ACYP2: variants seen among roughly 807,000 people sequenced by gnomAD.
ACYP2 encodes acylphosphatase-2.
In ACYP2, 12 loss-of-function variants were observed where a neutral mutation model predicts 11.2. That is an observed-to-expected ratio of 1.08 (90% CI 0.69 to 1.74). The LOEUF (loss-of-function observed/expected upper bound fraction) is 1.74. ACYP2 is among the 40% of genes most tolerant of loss of function. ACYP2 has a pLI of 0.00. For synonymous variants in ACYP2, 43 were observed against 32.2 expected (o/e 1.33, Z -1.13); for missense variants, 134 against 101.9 (o/e 1.31, Z -1.35).
chr2:54,096,581 G>A (rs1430790478), intron 4 of ACYP2, among the ~76,000 whole-genome samples: 2 of 152,160 alleles, frequency 1.3e-5, no homozygotes, highest in African/African-American at 4.8e-5. Flanking sequence ...CTGCAATCCC[G>A]GCACCTCGGG....
At chr2:54,029,058 A>C (rs1288452921) in intron 2 of ACYP2, among the ~76,000 whole-genome samples, 1 of 152,166 alleles carries the variant, frequency 6.6e-6, no homozygotes, top group Non-Finnish European at 1.5e-5. Flanking sequence ...CCAGCTACTC[A>C]GGAGGCCGAG....
intron 6 of ACYP2, chr2:54,255,103 A>C (rs2104020759): frequency 6.2e-7 from 1 of 1,614,120 alleles, no homozygotes. Context: ...CCAGGTGAAG[A>C]AGCTGCAGAT....
intron 4 of ACYP2, among the ~76,000 whole-genome samples, chr2:54,104,280 A>G (rs1485496164): frequency 1.3e-5 from 2 of 152,194 alleles, no homozygotes; most frequent in Non-Finnish European, 2.9e-5. Context: ...ATGAGAAAAG[A>G]AAGTATTCTT....
chr2:54,122,960 C>T (rs754576528), intron 4 of ACYP2, among the ~76,000 whole-genome samples: 1 of 152,134 alleles, frequency 6.6e-6, no homozygotes, highest in Non-Finnish European at 1.5e-5. Context: ...TTATAATGAC[C>T]TGTACTACAG....
At chr2:54,071,602 A>T (rs567659566) in intron 4 of ACYP2, among the ~76,000 whole-genome samples, 4 of 152,040 alleles carry the variant, frequency 2.6e-5, no homozygotes, top group Non-Finnish European at 5.9e-5. Flanking sequence ...AGTAGCTGAG[A>T]CTACAGGTGT....
At chr2:54,000,502 A>G (rs1672749825) in intron 2 of ACYP2, among the ~76,000 whole-genome samples, 1 of 152,168 alleles carries the variant, frequency 6.6e-6, no homozygotes, top group Non-Finnish European at 1.5e-5. Flanking sequence ...ATTTAGAAAA[A>G]CCTGTGTCAG....
intron 6 of ACYP2, among the ~76,000 whole-genome samples, chr2:54,290,503 G>T (rs1412109430): frequency 2.0e-5 from 3 of 152,006 alleles, no homozygotes; most frequent in South Asian, 4.1e-4. Flanking sequence ...ATTTGTAAGC[G>T]TATGTAAAAC....
chr2:54,033,081 G>C (rs1046863252), intron 2 of ACYP2, among the ~76,000 whole-genome samples: 2 of 152,184 alleles, frequency 1.3e-5, no homozygotes, highest in Admixed American at 1.3e-4. Context: ...TAATCAGGGT[G>C]AACAAAGAAA....
chr2:54,040,730 A>T (rs1299951302), intron 2 of ACYP2, among the ~76,000 whole-genome samples: 1 of 152,202 alleles, frequency 6.6e-6, no homozygotes, highest in African/African-American at 2.4e-5. Context: ...TGGCTGTTGG[A>T]TATAGCAACA....
rs569347752 is a variant in ACYP2 at position 53,995,777 on chromosome 2, T to C, written c.62+21967T>C. 2.0e-3 allele frequency among the ~76,000 whole-genome samples: 299 copies of C among 152,282 alleles called. 1 individual carries two copies. Among genetic ancestry groups the C allele is most frequent in the Middle Eastern group, 3.4e-3 (1 of 294 alleles). Reference sequence around the variant, plus strand: ...CTCAATACTATTAATTTTTTACTTATGTAAATTTTGTAGGGTGTAACTTCC... The same window carrying C: ...CTCAATACTATTAATTTTTTACTTACGTAAATTTTGTAGGGTGTAACTTCC... On this transcript the variant is annotated intron_variant, in intron 2 of 6. Coordinates refer to ENST00000607452, the MANE Select transcript of ACYP2 (RefSeq NM_001320586.2).
intron 4 of ACYP2, chr2:54,123,311 C>T (rs2103746118): frequency 2.5e-6 from 1 of 398,504 alleles, no homozygotes; most frequent in Non-Finnish European, 4.4e-6. Context: ...TCAAGAGGAT[C>T]TTCACTGCAG....
At chr2:54,156,504 A>T (rs1388713045) in intron 6 of ACYP2, among the ~76,000 whole-genome samples, 1 of 152,180 alleles carries the variant, frequency 6.6e-6, no homozygotes, top group Non-Finnish European at 1.5e-5. Context: ...ACAAGTGAGA[A>T]CATGCAGTGT....
intron 6 of ACYP2, among the ~76,000 whole-genome samples, chr2:54,286,726 G>A (rs1294655824): frequency 6.6e-6 from 1 of 151,916 alleles, no homozygotes; most frequent in East Asian, 1.9e-4. Context: ...ATGCTGTTTT[G>A]ATTATACTCC....
intron 6 of ACYP2, among the ~76,000 whole-genome samples, chr2:54,148,455 G>A (rs1681999878): frequency 6.6e-6 from 1 of 152,174 alleles, no homozygotes; most frequent in African/African-American, 2.4e-5. Flanking sequence ...GCAGTGCCTG[G>A]CATGTAGTAA....
rs541039467 is a variant in ACYP2, at chr2:54,288,325, G to C, written c.405-16363G>C. 3.3e-5 allele frequency among the ~76,000 whole-genome samples: 5 copies of C among 152,054 alleles called. No homozygotes were observed. In the South Asian group the frequency reaches 1.0e-3, roughly 32 times the overall value. On this transcript the variant is annotated intron_variant, in intron 6 of 6. Coordinates refer to ENST00000607452, the MANE Select transcript of ACYP2 (RefSeq NM_001320586.2). ...CAGAGCAACTAAAAAGAAAACTATAGCCTCATTAACTTGTCTGAGGTAGTG... is the reference window on the plus strand; with the variant it reads ...CAGAGCAACTAAAAAGAAAACTATACCCTCATTAACTTGTCTGAGGTAGTG...
chr2:54,291,886 C>T (rs1406428245), intron 6 of ACYP2, among the ~76,000 whole-genome samples: 2 of 152,144 alleles, frequency 1.3e-5, no homozygotes, highest in Non-Finnish European at 2.9e-5. Flanking sequence ...CAGGAAAATT[C>T]TGATATGGTC....
At chr2:54,038,750 T>C (rs761911555) in intron 2 of ACYP2, among the ~76,000 whole-genome samples, 2 of 110,136 alleles carry the variant, frequency 1.8e-5, no homozygotes, top group Non-Finnish European at 3.7e-5. Context: ...TGAAAAAAGA[T>C]GAAAAAACCC....
At chr2:54,082,208 T>C (rs1677693689) in intron 4 of ACYP2, among the ~76,000 whole-genome samples, 1 of 152,234 alleles carries the variant, frequency 6.6e-6, no homozygotes, top group Non-Finnish European at 1.5e-5. Flanking sequence ...TCCTCATTTA[T>C]GTTAGTAAAC....
At chr2:54,207,934 G>A (rs1260932092) in intron 6 of ACYP2, among the ~76,000 whole-genome samples, 1 of 152,170 alleles carries the variant, frequency 6.6e-6, no homozygotes, top group African/African-American at 2.4e-5. Context: ...AGATTAGAGA[G>A]AGAAGGTCAA....
Sources: allele counts gnomAD v4.1 joint callset (sites outside exome capture counted in the v4.1 genomes callset), GRCh38; gene constraint gnomAD v4.1.1; transcripts MANE v1.5; gene names NCBI Gene and HGNC (gene_info 2026-07-23, HGNC 2026-07-21).